The following SLC25A26 variants were observed in gnomAD, a reference collection of about 807,000 sequenced individuals.
The protein encoded by SLC25A26 is mitochondrial S-adenosylmethionine carrier protein.
A neutral mutation model predicts 37.8 loss-of-function variants in SLC25A26; 36 were observed. The observed-to-expected ratio is 0.95, with a 90% CI of 0.73 to 1.26. SLC25A26 has a LOEUF of 1.26. SLC25A26 is among the 50% of genes most tolerant of loss of function. SLC25A26 has a pLI of 0.00. For synonymous variants in SLC25A26, 129 were observed against 122.5 expected, an observed-to-expected ratio of 1.05 and a Z score of -0.35; for missense variants, 390 against 331.1, an observed-to-expected ratio of 1.18 and a Z score of -1.38.
upstream of SLC25A26, among the ~76,000 whole-genome samples, chr3:66,219,875 C>T (rs1046772391): frequency 2.6e-5 from 4 of 152,168 alleles, no homozygotes. Flanking sequence ...CTATCATTAT[C>T]GCCACTTTAC....
chr3:66,300,426 G>A (rs902368076), intron 5 of SLC25A26, among the ~76,000 whole-genome samples: 13 of 151,934 alleles, frequency 8.6e-5, no homozygotes, highest in Non-Finnish European at 1.9e-4. Flanking sequence ...GGAAATAATT[G>A]AATTAGCCAC....
chr3:66,257,783 A>G (rs1417185192), intron 3 of SLC25A26, among the ~76,000 whole-genome samples: 1 of 152,142 alleles, frequency 6.6e-6, no homozygotes, highest in Non-Finnish European at 1.5e-5. Context: ...AGCCATCTTC[A>G]CACGACGGTA....
chr3:66,359,198 CT>C (rs1014852800), intron 6 of SLC25A26, among the ~76,000 whole-genome samples: 39 of 152,306 alleles, frequency 2.6e-4, no homozygotes, highest in African/African-American at 9.1e-4. Context: ...TTTTCGCCCC[CT>C]GGCAACCAAT....
intron 5 of SLC25A26, among the ~76,000 whole-genome samples, chr3:66,334,746 G>C (rs2076056711): frequency 6.6e-6 from 1 of 151,860 alleles, no homozygotes; most frequent in South Asian, 2.1e-4. Context: ...AGACCCTCAG[G>C]GCAAAAGCCA....
intron 5 of SLC25A26, among the ~76,000 whole-genome samples, chr3:66,330,644 G>A (rs942951377): frequency 7.1e-6 from 1 of 140,244 alleles, no homozygotes; most frequent in Non-Finnish European, 1.5e-5. Context: ...ATGGTGGGGT[G>A]GGGGGAGTGG....
chr3:66,326,208 C>T (rs182228423), intron 5 of SLC25A26, among the ~76,000 whole-genome samples: 15 of 152,218 alleles, frequency 9.9e-5, no homozygotes, highest in African/African-American at 3.6e-4. Context: ...GCCGGACATA[C>T]AGAGTGCCTG....
intron 1 of SLC25A26, among the ~76,000 whole-genome samples, chr3:66,137,898 A>T (rs931832414): frequency 6.6e-6 from 1 of 151,992 alleles, no homozygotes; most frequent in African/African-American, 2.4e-5. Flanking sequence ...CAGTAGCCCA[A>T]TCTTGGCTCT....
chr3:66,325,493 TGTAATGA>T (rs1406952688), intron 5 of SLC25A26, among the ~76,000 whole-genome samples: 1 of 152,228 alleles, frequency 6.6e-6, no homozygotes, highest in Non-Finnish European at 1.5e-5. Context: ...TTAATTAGAA[TGTAATGA>T]GTGCTTTATA....
chr3:66,330,814 A>C (rs2075957010), intron 5 of SLC25A26, among the ~76,000 whole-genome samples: 1 of 152,150 alleles, frequency 6.6e-6, no homozygotes, highest in Non-Finnish European at 1.5e-5. Flanking sequence ...TCTTATAAGA[A>C]AATTCTTTTG....
In SLC25A26 at chr3:66,377,729, T is replaced by C. The variant is rs1325016545; in HGVS notation, c.747T>C (p.Ser249=). 6.2e-7 allele frequency: 1 copy of C among 1,613,912 alleles called. No individual in the cohort carries two copies. The highest frequency in any genetic ancestry group is 1.7e-5 in the Admixed American group (1 of 60,016). The change falls in exon 10 of 10, where the codon AGT becomes AGC. Residue 249 remains serine, a synonymous_variant. Coordinates refer to ENST00000354883, the MANE Select transcript of SLC25A26 (RefSeq NM_001379210.1). ...TCTTCCCTCGAATGGCAGCCATCAG[T>C]CTGGGAGGTTTCATCTTTCTGGGGG... is the stretch of plus-strand genomic sequence containing the variant. The part of the protein sequence containing the change: ...AGVFPRMAAI[S]LGGFIFLGAY...
chr3:66,162,337 T>G (rs2070370582), intron 1 of SLC25A26, among the ~76,000 whole-genome samples: 2 of 151,378 alleles, frequency 1.3e-5, no homozygotes, highest in Admixed American at 6.6e-5. Context: ...AACATGGATT[T>G]TTTTTTCTTT....
intron 5 of SLC25A26, among the ~76,000 whole-genome samples, chr3:66,336,350 T>A (rs530173098): frequency 6.6e-6 from 1 of 152,268 alleles, no homozygotes; most frequent in South Asian, 2.1e-4. Flanking sequence ...AGTAAAGAGA[T>A]GCTAAAATGT....
intron 3 of SLC25A26, among the ~76,000 whole-genome samples, chr3:66,258,016 T>C (rs774396273): frequency 6.6e-6 from 1 of 152,226 alleles, no homozygotes. Flanking sequence ...TGATCCTGGC[T>C]AACTTATGGA....
chr3:66,276,170 A>G (rs1347215690), intron 5 of SLC25A26, among the ~76,000 whole-genome samples: 1 of 152,116 alleles, frequency 6.6e-6, no homozygotes, highest in East Asian at 1.9e-4. Flanking sequence ...ACTAATTATG[A>G]TTGTTAACTT....
chr3:66,171,785 C>T (rs569262882), intron 1 of SLC25A26, among the ~76,000 whole-genome samples: 12 of 152,234 alleles, frequency 7.9e-5, no homozygotes, highest in African/African-American at 2.2e-4. Context: ...CCACTGCACC[C>T]GGCCCTGAGA....
At chr3:66,275,230 A>G (rs1299237396) in intron 5 of SLC25A26, among the ~76,000 whole-genome samples, 1 of 119,472 alleles carries the variant, frequency 8.4e-6, no homozygotes, top group African/African-American at 3.2e-5. Flanking sequence ...GAAGGGGAAC[A>G]TCACACTCTG....
chr3:66,239,735 A>G (rs1258802693), intron 2 of SLC25A26, among the ~76,000 whole-genome samples: 5 of 152,166 alleles, frequency 3.3e-5, no homozygotes, highest in Non-Finnish European at 7.4e-5. Context: ...AAAACAAGAA[A>G]AAAGGTACTT....
At chr3:66,154,164 G>A (rs542330818) in intron 1 of SLC25A26, among the ~76,000 whole-genome samples, 2 of 152,164 alleles carry the variant, frequency 1.3e-5, no homozygotes, top group South Asian at 2.1e-4. Flanking sequence ...GTATGAGACC[G>A]CAGATCTCAC....
At chr3:66,317,569 A>C (rs963694597) in intron 5 of SLC25A26, among the ~76,000 whole-genome samples, 26 of 152,220 alleles carry the variant, frequency 1.7e-4, no homozygotes, top group South Asian at 2.1e-4. Flanking sequence ...TTTTGTCAGG[A>C]GGTCTCACCC....
Sources: allele counts gnomAD v4.1 joint callset (sites outside exome capture counted in the v4.1 genomes callset), GRCh38; gene constraint gnomAD v4.1.1; transcripts MANE v1.5; gene names NCBI Gene and HGNC (gene_info 2026-07-23, HGNC 2026-07-21).